SYNRG: variants seen among roughly 807,000 people sequenced by gnomAD.
SYNRG encodes the protein synergin gamma.
A neutral mutation model predicts 130.9 loss-of-function variants in SYNRG; 37 were observed. The observed-to-expected ratio is 0.28, with a 90% CI of 0.22 to 0.37. The LOEUF (loss-of-function observed/expected upper bound fraction) is 0.37. Among genes scored for constraint, SYNRG ranks in the 10% least tolerant of loss-of-function variants. The pLI, the probability that SYNRG is intolerant of heterozygous loss-of-function variation, is 1.00. For missense variants in SYNRG, 1,338 were observed against 1,588.9 expected, an observed-to-expected ratio of 0.84 and a Z score of 2.68; for synonymous variants, 539 against 568.1, an observed-to-expected ratio of 0.95 and a Z score of 0.73.
chr17:37,552,630 C>T (rs2058794418), intron 14 of SYNRG, among the ~76,000 whole-genome samples: 1 of 152,140 alleles, frequency 6.6e-6, no homozygotes, highest in African/African-American at 2.4e-5. Context: ...AACTGCACTA[C>T]AAGTGGTTAG....
intron 6 of SYNRG, among the ~76,000 whole-genome samples, chr17:37,580,508 T>TGAGA (rs1470548930): frequency 1.8e-4 from 24 of 133,706 alleles, no homozygotes; most frequent in South Asian, 2.3e-4. Context: ...TGTGTGTGTG[T>TGAGA]GTGAGAGAGA....
chr17:37,571,489 C>T (rs543589651), intron 9 of SYNRG, among the ~76,000 whole-genome samples: 1 of 151,952 alleles, frequency 6.6e-6, no homozygotes, highest in South Asian at 2.1e-4. Context: ...GGCTGAGGCA[C>T]GAGAATCACT....
intron 19 of SYNRG, among the ~76,000 whole-genome samples, chr17:37,527,915 CCAAGCATGA>C (rs2056149134): frequency 6.6e-6 from 1 of 152,136 alleles, no homozygotes; most frequent in Non-Finnish European, 1.5e-5. Flanking sequence ...CTTCCTTAGC[CCAAGCATGA>C]CTACTGTGAT....
rs76854899 is a variant in SYNRG, at chr17:37,584,257, A to T, written c.589+391T>A. On this transcript the variant is annotated intron_variant, in intron 6 of 21. Transcript: ENST00000612223. ...AAATGAGGCATTTTAAGAATTTGTA[A>T]GTTTAATCACATTAAGTAATGAAAT... The T allele has an allele frequency of 5.7e-5, 9 of 158,686 alleles. No homozygotes were observed. In the East Asian group the frequency reaches 1.7e-3, roughly 29 times the overall value. The allele number at this position is 158,686 out of a possible 1,614,324, so 9.8% of individuals were successfully genotyped here.
At chr17:37,562,304 G>A (rs948568927) in intron 11 of SYNRG, among the ~76,000 whole-genome samples, 13 of 152,164 alleles carry the variant, frequency 8.5e-5, no homozygotes, top group Admixed American at 5.9e-4. Flanking sequence ...GACATATTTC[G>A]TGCTGGATGG....
intron 19 of SYNRG, among the ~76,000 whole-genome samples, chr17:37,535,369 T>C (rs1598154169): frequency 6.6e-6 from 1 of 152,234 alleles, no homozygotes; most frequent in South Asian, 2.1e-4. Flanking sequence ...ACTTACATAT[T>C]TCTGGTAGCA....
intron 10 of SYNRG, among the ~76,000 whole-genome samples, chr17:37,569,269 G>T (rs549759399): frequency 7.1e-4 from 108 of 152,174 alleles, no homozygotes; most frequent in African/African-American, 2.5e-3. Flanking sequence ...AATTAGCTGC[G>T]CATGGTGGCA....
Position 37,537,750 on chromosome 17 carries a change from A to C in SYNRG, c.3517+574T>G, listed in dbSNP as rs2057346539. Among the ~76,000 whole-genome samples the C allele has an allele frequency of 3.3e-5, 5 of 152,308 alleles. No individual in the cohort carries two copies. The South Asian group carries it at 1.0e-3, about 32-fold the overall frequency. ...AAGTACCGGGGTAGGGAGAGACGATACTCTTTGGAGAGATGGATGCTAGGA... is the reference window on the plus strand; with the variant it reads ...AAGTACCGGGGTAGGGAGAGACGATCCTCTTTGGAGAGATGGATGCTAGGA... On this transcript the variant is annotated intron_variant, in intron 18 of 21. Coordinates refer to ENST00000612223, the MANE Select transcript of SYNRG (RefSeq NM_007247.6).
At chr17:37,530,498 G>C (rs1023673219) in intron 19 of SYNRG, among the ~76,000 whole-genome samples, 3 of 152,200 alleles carry the variant, frequency 2.0e-5, no homozygotes, top group African/African-American at 7.2e-5. Context: ...AGTAGCTGGA[G>C]CTCAGGAAGT....
At chr17:37,533,701 C>A (rs1277796278) in intron 19 of SYNRG, among the ~76,000 whole-genome samples, 1 of 149,626 alleles carries the variant, frequency 6.7e-6, no homozygotes, top group East Asian at 2.0e-4. Context: ...AATTCTCCTG[C>A]CACAGCCTCC....
At chr17:37,576,523 A>C in intron 7 of SYNRG, 105 bp from the exon 8 acceptor site, 1 of 955,418 alleles carries the variant, frequency 1.0e-6, no homozygotes, top group Non-Finnish European at 1.5e-6. Context: ...AGACACTAAA[A>C]AAAGTCACCA....
chr17:37,574,621 C>A (rs2060667638), intron 8 of SYNRG, among the ~76,000 whole-genome samples: 1 of 152,112 alleles, frequency 6.6e-6, no homozygotes, highest in Non-Finnish European at 1.5e-5. Flanking sequence ...CAAAAGAAGA[C>A]ATGCAAACAG....
chr17:37,524,608 T>A (rs1329572667), intron 19 of SYNRG, among the ~76,000 whole-genome samples: 1 of 152,242 alleles, frequency 6.6e-6, no homozygotes, highest in East Asian at 1.9e-4. Flanking sequence ...TCTTTTGTAG[T>A]GCAACTGTGG....
intron 13 of SYNRG, among the ~76,000 whole-genome samples, chr17:37,554,649 AT>A (rs1048609934): frequency 1.3e-5 from 2 of 152,174 alleles, no homozygotes; most frequent in Non-Finnish European, 2.9e-5. Context: ...TTTGATGAAA[AT>A]TTTTGAAAAG....
At chr17:37,534,385 T>C (rs980912672) in intron 19 of SYNRG, among the ~76,000 whole-genome samples, 2 of 152,130 alleles carry the variant, frequency 1.3e-5, no homozygotes, top group African/African-American at 4.8e-5. Context: ...GTTATGAGAC[T>C]GGTTAATTTT....
At chr17:37,594,103 CTA>C (rs2062464076) in intron 3 of SYNRG, among the ~76,000 whole-genome samples, 1 of 150,288 alleles carries the variant, frequency 6.7e-6, no homozygotes, top group South Asian at 2.1e-4. Flanking sequence ...GTTTCAAACT[CTA>C]AAAACATTTT....
intron 19 of SYNRG, among the ~76,000 whole-genome samples, chr17:37,531,760 CAGAG>C (rs2056654122): frequency 6.6e-6 from 1 of 150,886 alleles, no homozygotes; most frequent in African/African-American, 2.4e-5. Flanking sequence ...GCATGGGTGA[CAGAG>C]GGAGACCCTG....
intron 3 of SYNRG, among the ~76,000 whole-genome samples, chr17:37,595,983 G>C (rs954874906): frequency 6.6e-6 from 1 of 152,176 alleles, no homozygotes; most frequent in Non-Finnish European, 1.5e-5. Flanking sequence ...TCGAACTCCT[G>C]ACCTCAAGTG....
At chr17:37,533,797 G>A (rs973091551) in intron 19 of SYNRG, among the ~76,000 whole-genome samples, 1 of 150,450 alleles carries the variant, frequency 6.6e-6, no homozygotes, top group Admixed American at 6.6e-5. Flanking sequence ...GGCTGGTTTC[G>A]AACTCCCGAC....
Sources: gnomAD v4.1 joint callset for allele counts (sites outside exome capture counted in the v4.1 genomes callset) on GRCh38, gnomAD v4.1.1 for gene constraint, MANE v1.5 for transcripts, NCBI Gene and HGNC (gene_info 2026-07-23, HGNC 2026-07-21) for gene names.